Variants in DSCAM observed in about 807,000 individuals in gnomAD.
DSCAM encodes the protein cell adhesion molecule DSCAM.
DSCAM carries 47 observed loss-of-function variants against 217.7 expected under a neutral mutation model. The observed-to-expected ratio is 0.22, with a 90% confidence interval of 0.17 to 0.28. The LOEUF (loss-of-function observed/expected upper bound fraction) is 0.28, where lower values mean the gene tolerates loss of function less well. Ranked by LOEUF, DSCAM falls within the 10% of genes least tolerant of loss-of-function variation. DSCAM has a pLI of 1.00. For synonymous variants in DSCAM, 1,056 were observed against 1,015.3 expected (o/e 1.04, Z -0.76); for missense variants, 2,080 against 2,618.3 (o/e 0.79, Z 4.49).
chr21:40,658,999 T>C (rs1341764731), intron 3 of DSCAM, among the ~76,000 whole-genome samples: 1 of 152,144 alleles, frequency 6.6e-6, no homozygotes, highest in East Asian at 1.9e-4. Flanking sequence ...GCCCCTGCGG[T>C]AATCAACTTG....
At chr21:40,620,053 GAAAAAGAAAGAAAGAGAGAAAGAGA>G (rs1433751217) in intron 3 of DSCAM, among the ~76,000 whole-genome samples, 2 of 74,834 alleles carry the variant, frequency 2.7e-5, no homozygotes, top group African/African-American at 1.1e-4. Flanking sequence ...AGAGAAAAAA[GAAAAAGAAAGAAAGAGAGAAAGAGA>G]AAAAAGAAAG....
At chr21:40,648,697 C>G (rs906756191) in intron 3 of DSCAM, among the ~76,000 whole-genome samples, 1 of 152,084 alleles carries the variant, frequency 6.6e-6, no homozygotes, top group Non-Finnish European at 1.5e-5. Flanking sequence ...ACTCATAAAC[C>G]AATCAGCACA....
intron 3 of DSCAM, among the ~76,000 whole-genome samples, chr21:40,670,633 C>A (rs998325793): frequency 8.6e-5 from 13 of 151,930 alleles, no homozygotes; most frequent in Non-Finnish European, 1.9e-4. Flanking sequence ...TAGCGTAATA[C>A]CCTCAAGATT....
At chr21:40,014,549 A>G (rs1014363170) in intron 32 of DSCAM, among the ~76,000 whole-genome samples, 2 of 152,118 alleles carry the variant, frequency 1.3e-5, no homozygotes, top group African/African-American at 2.4e-5. Flanking sequence ...CCGATGCAGG[A>G]TCTCCCTAAC....
chr21:40,692,589 A>G (rs1201127700), intron 3 of DSCAM, among the ~76,000 whole-genome samples: 2 of 152,238 alleles, frequency 1.3e-5, no homozygotes, highest in Admixed American at 6.5e-5. Flanking sequence ...GCCGGTAACT[A>G]ATCTCTCTTC....
chr21:40,721,723 C>A (rs1164180483), intron 1 of DSCAM, among the ~76,000 whole-genome samples: 14 of 151,902 alleles, frequency 9.2e-5, no homozygotes, highest in Non-Finnish European at 1.2e-4. Flanking sequence ...AATTGGAGTT[C>A]TAGGATGAAA....
chr21:40,044,459 T>C (rs910484539), intron 30 of DSCAM, among the ~76,000 whole-genome samples, 184 bp from the exon 31 acceptor site: 3 of 152,198 alleles, frequency 2.0e-5, no homozygotes, highest in African/African-American at 7.2e-5. Context: ...AACCTTCATC[T>C]GATACTTACG....
chr21:40,669,585 TATATA>T (rs1167346080), intron 3 of DSCAM, among the ~76,000 whole-genome samples: 5 of 28,056 alleles, frequency 1.8e-4, no homozygotes, highest in African/African-American at 6.0e-4. Context: ...AATGTTGTTA[TATATA>T]TTTTTTTTTT....
At chr21:40,540,193 C>T (rs1042056097) in intron 3 of DSCAM, among the ~76,000 whole-genome samples, 2 of 152,144 alleles carry the variant, frequency 1.3e-5, no homozygotes, top group Non-Finnish European at 2.9e-5. Flanking sequence ...TTCGCACACA[C>T]AACCCAAAAG....
chr21:40,211,373 A>C (rs900559247), intron 11 of DSCAM, among the ~76,000 whole-genome samples: 1 of 152,200 alleles, frequency 6.6e-6, no homozygotes, highest in African/African-American at 2.4e-5. Flanking sequence ...TGTGAACATA[A>C]ATTCATATTT....
rs538812393 is a variant in DSCAM at position 40,462,548 on chromosome 21, C to T, written c.509-93303G>A. ...TTCACATCTTTGTTGCACCCAAGAC[C>T]CATGGAATTAGAATGCTTAGGCAGG... On this transcript the variant is annotated intron_variant, in intron 3 of 32. Coordinates refer to ENST00000400454, the MANE Select transcript of DSCAM (RefSeq NM_001389.5). 3.9e-5 allele frequency among the ~76,000 whole-genome samples: 6 copies of T among 152,262 alleles called. No homozygotes were observed. The South Asian group carries it at 1.2e-3, about 32-fold the overall frequency.
chr21:40,635,224 G>C (rs2089741763), intron 3 of DSCAM, among the ~76,000 whole-genome samples: 1 of 152,124 alleles, frequency 6.6e-6, no homozygotes, highest in South Asian at 2.1e-4. Flanking sequence ...ATAAAGAAGA[G>C]AAAGCGAAGA....
At position 40,447,041 on chromosome 21, in the gene DSCAM, G is replaced by T. The variant is rs114552263; in HGVS notation, c.509-77796C>A. On this transcript the variant is annotated intron_variant, in intron 3 of 32. Coordinates refer to ENST00000400454, the MANE Select transcript of DSCAM (RefSeq NM_001389.5). ...TCACCTCCTTGTGTTCCTGTGCTGT[G>T]CTTATTCTGTCATGCTCTGGCAGAG... Among the ~76,000 whole-genome samples, 639 of 152,288 alleles carry T rather than the reference G, an allele frequency of 4.2e-3. 3 individuals carry two copies. The highest frequency in any genetic ancestry group is 0.013 in the African/African-American group (531 of 41,574).
At chr21:40,294,203 CA>C (rs1361439353) in intron 10 of DSCAM, among the ~76,000 whole-genome samples, 1 of 152,112 alleles carries the variant, frequency 6.6e-6, no homozygotes, top group African/African-American at 2.4e-5. Flanking sequence ...ACATCCAAGA[CA>C]GACAAAGTAT....
At chr21:40,665,973 G>GACTTTTCC (rs2090194730) in intron 3 of DSCAM, among the ~76,000 whole-genome samples, 1 of 151,384 alleles carries the variant, frequency 6.6e-6, no homozygotes, top group Non-Finnish European at 1.5e-5. Flanking sequence ...AATCAGCTCA[G>GACTTTTCC]GCTTTTCCCC....
chr21:40,638,001 G>A (rs1463060217), intron 3 of DSCAM, among the ~76,000 whole-genome samples: 1 of 151,826 alleles, frequency 6.6e-6, no homozygotes, highest in African/African-American at 2.4e-5. Flanking sequence ...TATATTGATA[G>A]AATTCTCATT....
rs1426427933 is a variant in DSCAM, at chr21:40,508,763, ATATATATATATATATATATATT to A, written c.509-139540_509-139519del. Reference sequence around the variant, plus strand: ...TATATATATATATATATATATATATATATATATATATATATATATATTTTTTTTTTTTTTTTTTTTTTTTTTT... The same window carrying A: ...TATATATATATATATATATATATATATTTTTTTTTTTTTTTTTTTTTTTTT... On this transcript the variant is annotated intron_variant, in intron 3 of 32. Coordinates refer to ENST00000400454, the MANE Select transcript of DSCAM (RefSeq NM_001389.5). Among the ~76,000 whole-genome samples, 22 of 3,820 alleles carry A rather than the reference ATATATATATATATATATATATT, an allele frequency of 5.8e-3. 1 individual carries two copies. The highest frequency in any genetic ancestry group is 0.015 in the African/African-American group (14 of 946). 2.5% of individuals were successfully genotyped at this position (3,820 alleles called of 152,430 possible). A position where few individuals can be genotyped will look rare whatever the true frequency, so the allele number is the denominator to read the frequency against.
Position 40,353,657 on chromosome 21 carries a change from C to A in DSCAM, c.742G>T (p.Ala248Ser), listed in dbSNP as rs371236113. The A allele has an allele frequency of 1.5e-5, 24 of 1,610,958 alleles. No individual in the cohort carries two copies. Among genetic ancestry groups the A allele is most frequent in the Non-Finnish European group, 2.0e-5 (24 of 1,179,168 alleles). ...TAATCTGGCTCAGGGTGCCCGAGCG[C>A]TTTGCAAGGCAGCTCCACACGCTGC... ...AGQRVELPCK[A>S]LGHPEPDYRW... Residue 248 changes from alanine (A) to serine (S), a missense_variant, in exon 5 of 33, where the codon GCG becomes TCG. Ala to Ser is a moderately conservative substitution (Grantham distance 99). Around this residue, in one of 5 missense-constraint regions of DSCAM, gnomAD observed 568 missense variants for 678.1 expected, o/e 0.84. Coordinates refer to ENST00000400454, the MANE Select transcript of DSCAM (RefSeq NM_001389.5).
intron 2 of DSCAM, among the ~76,000 whole-genome samples, chr21:40,703,642 T>G (rs1011469520): frequency 9.2e-5 from 14 of 152,194 alleles, no homozygotes; most frequent in South Asian, 2.1e-4. Flanking sequence ...TGTAGCTGCT[T>G]TTGATATTTT....
Sources: gnomAD v4.1 joint callset for allele counts (sites outside exome capture counted in the v4.1 genomes callset) on GRCh38, gnomAD v4.1.1 for gene constraint, gnomAD v4.1.1 regional missense constraint, MANE v1.5 for transcripts, NCBI Gene and HGNC (gene_info 2026-07-23, HGNC 2026-07-21) for gene names.